Variants in P4HA2 observed in about 807,000 individuals in gnomAD.
P4HA2 encodes the protein prolyl 4-hydroxylase subunit alpha-2.
A neutral mutation model predicts 76.9 loss-of-function variants in P4HA2; 46 were observed. The ratio of observed to expected loss-of-function variants is 0.60; its 90% CI spans 0.47 to 0.76. The LOEUF is 0.76. Ranked by LOEUF, P4HA2 falls within the 30% of genes least tolerant of loss-of-function variation. The pLI, the probability that P4HA2 is intolerant of heterozygous loss-of-function variation, is 0.00. For missense variants in P4HA2, 583 were observed against 669.4 expected, an observed-to-expected ratio of 0.87 and a Z score of 1.42; for synonymous variants, 243 against 254.0, an observed-to-expected ratio of 0.96 and a Z score of 0.41.
intron 12 of P4HA2, 83 bp from the exon 13 acceptor site, chr5:132,195,563 T>C (rs1333349795): frequency 6.0e-6 from 6 of 1,007,684 alleles, no homozygotes; most frequent in Non-Finnish European, 9.4e-6. Flanking sequence ...ACAAGGTATA[T>C]AGATTGCCCT....
rs117816812 is a variant in P4HA2 at position 132,195,678 on chromosome 5, G to A, written c.1366-198C>T. ...TTAACCAGTGTGATTCATTAGAACA[G>A]TCTCCATGTCATGAGTGTTCAAGAG... is the stretch of plus-strand genomic sequence containing the variant. On this transcript the variant is annotated intron_variant, in intron 12 of 14. Transcript: ENST00000360568. 9.2e-4 allele frequency: 561 copies of A among 608,650 alleles called. 9 individuals carry two copies. The East Asian group carries it at 0.015, about 16-fold the overall frequency. The allele number at this position is 608,650 out of a possible 1,614,324, so 37.7% of individuals were successfully genotyped here. A position where few individuals can be genotyped will look rare whatever the true frequency, so the allele number is the denominator to read the frequency against.
At chr5:132,193,385 T>G in intron 14 of P4HA2, 1 of 178,908 alleles carries the variant, frequency 5.6e-6, no homozygotes, top group Non-Finnish European at 1.2e-5. Flanking sequence ...TCTATTCCCA[T>G]GGCAACCTGC....
intron 11 of P4HA2, 65 bp from the exon 12 acceptor site, chr5:132,198,445 G>A: frequency 7.0e-7 from 1 of 1,434,096 alleles, no homozygotes; most frequent in Admixed American, 1.7e-5. Context: ...ACAAGACTAG[G>A]ACCAAAAGGG....
chr5:132,208,956 G>T (rs531658459), intron 7 of P4HA2, among the ~76,000 whole-genome samples, 182 bp downstream of exon 7: 1 of 152,260 alleles, frequency 6.6e-6, no homozygotes, highest in South Asian at 2.1e-4. Context: ...CGAGGGGAGA[G>T]AGTCTCCTTT....
intron 9 of P4HA2, 114 bp from the exon 10 acceptor site, chr5:132,203,961 C>T: frequency 8.8e-7 from 1 of 1,139,036 alleles, no homozygotes; most frequent in Non-Finnish European, 1.3e-6. Context: ...AGGATGCCTG[C>T]TGCAAGGGGG....
At position 132,210,437 on chromosome 5, in the gene P4HA2, C is replaced by A. The variant is rs1173176951; in HGVS notation, c.556G>T (p.Val186Leu). ...AYNEGDYYHT[V>L]LWMEQVLKQL... is the part of the protein sequence containing the mutation. ...TTTAGCACCTGCTCCATCCACAACA[C>A]CGTATGATAATAGTCCCCTTCATTG... Residue 186 changes from valine (V) to leucine (L), a missense_variant, in exon 6 of 15, where the codon GTG (valine) becomes TTG (leucine). Physicochemically the swap from Val to Leu is conservative, Grantham distance 32. Coordinates refer to ENST00000360568, the MANE Select transcript of P4HA2 (RefSeq NM_001017974.2). 1.2e-6 allele frequency: 2 copies of A among 1,614,120 alleles called. No homozygotes were observed. The highest frequency in any genetic ancestry group is 1.7e-6 in the Non-Finnish European group (2 of 1,180,000).
intron 12 of P4HA2, among the ~76,000 whole-genome samples, chr5:132,197,700 A>C (rs1236092575): frequency 6.6e-6 from 1 of 152,120 alleles, no homozygotes. Context: ...CAGCCACACA[A>C]AAAGACAAGT....
intron 12 of P4HA2, among the ~76,000 whole-genome samples, chr5:132,196,573 T>A (rs1225791399): frequency 6.6e-6 from 1 of 152,254 alleles, no homozygotes; most frequent in East Asian, 1.9e-4. Flanking sequence ...ATCTCTCTGA[T>A]GTTTAGGCTG....
rs1749846936 is a variant in P4HA2 at position 132,190,871 on chromosome 5, A to G, written c.*2139T>C. Among the ~76,000 whole-genome samples, 1 of 152,238 alleles carries G rather than the reference A, an allele frequency of 6.6e-6. No individual in the cohort carries two copies. Among genetic ancestry groups the G allele is most frequent in the Admixed American group, 6.5e-5 (1 of 15,284 alleles). On this transcript the variant is annotated 3_prime_UTR_variant, in exon 15 of 15. Coordinates refer to ENST00000360568, the MANE Select transcript of P4HA2 (RefSeq NM_001017974.2). ...GAATAAGAACACTTGAAGAAACCTA[A>G]TAACTAATAAACATGAAAAGTTGTT...
Position 132,191,501 on chromosome 5 carries a change from G to T in P4HA2, c.*1509C>A, listed in dbSNP as rs1749915175. On this transcript the variant is annotated 3_prime_UTR_variant, in exon 15 of 15. Transcript: ENST00000360568. The stretch of plus-strand genomic sequence containing the variant: ...CACTCCAGCCTGGGCGACAGAGCGA[G>T]ACTCCGTCTCAAAAAAAAAAAAAAA... Among the ~76,000 whole-genome samples the T allele has an allele frequency of 8.0e-6, 1 of 125,132 alleles. No homozygotes were observed. Among genetic ancestry groups the T allele is most frequent in the Non-Finnish European group, 1.6e-5 (1 of 63,536 alleles). 82.1% of individuals were successfully genotyped at this position (125,132 alleles called of 152,430 possible).
At chr5:132,217,939 A>T (rs762291575) in intron 2 of P4HA2, 91 bp from the exon 3 acceptor site, 1 of 747,228 alleles carries the variant, frequency 1.3e-6, no homozygotes, top group Non-Finnish European at 2.3e-6. Flanking sequence ...CACAGAAGCA[A>T]GTCCCCTGGG....
At chr5:132,222,395 T>C (rs1754769594) in intron 1 of P4HA2, among the ~76,000 whole-genome samples, 1 of 152,074 alleles carries the variant, frequency 6.6e-6, no homozygotes, top group South Asian at 2.1e-4. Flanking sequence ...GGTACCCTAC[T>C]CTCCTTAGCC....
chr5:132,212,544 G>C (rs1191485075), intron 5 of P4HA2, among the ~76,000 whole-genome samples: 2 of 152,070 alleles, frequency 1.3e-5, no homozygotes, highest in African/African-American at 4.8e-5. Flanking sequence ...AAGGAGATGA[G>C]GATTTCAGTT....
At chr5:132,218,714 T>C in intron 1 of P4HA2, 70 bp from the exon 2 acceptor site, 2 of 896,190 alleles carry the variant, frequency 2.2e-6, no homozygotes, top group Non-Finnish European at 3.7e-6. Context: ...AGGAGACACA[T>C]AGGCATGTAC....
intron 5 of P4HA2, 61 bp downstream of exon 5, chr5:132,213,855 A>T: frequency 6.4e-7 from 1 of 1,569,732 alleles, no homozygotes; most frequent in Non-Finnish European, 8.7e-7. Flanking sequence ...TGGTGGCTCC[A>T]ACCTGTCCCG....
At position 132,190,374 on chromosome 5, in the gene P4HA2, T is replaced by A. The variant is rs1210362286; in HGVS notation, c.*2636A>T. Among the ~76,000 whole-genome samples the A allele has an allele frequency of 6.6e-6, 1 of 152,190 alleles. No homozygotes were observed. The highest frequency in any genetic ancestry group is 1.5e-5 in the Non-Finnish European group (1 of 68,022). Reference sequence around the variant, plus strand: ...TTCCCAGATTCCCTTATCAGCTGGCTTCCTGTTAGGGTCTACCAATGGAAG... The same window carrying A: ...TTCCCAGATTCCCTTATCAGCTGGCATCCTGTTAGGGTCTACCAATGGAAG... On this transcript the variant is annotated 3_prime_UTR_variant, in exon 15 of 15. Coordinates refer to ENST00000360568, the MANE Select transcript of P4HA2 (RefSeq NM_001017974.2).
chr5:132,207,769 C>G lies in P4HA2; in HGVS notation c.1019G>C (p.Arg340Thr), dbSNP rs757915014. Residue 340 changes from arginine (R) to threonine (T), a missense_variant, in exon 8 of 15, where the codon AGG becomes ACG. By Grantham distance (71) the Arg-to-Thr change is moderately conservative. Transcript: ENST00000360568. ...CTCATCAGACATGACATCGTAGTACCTGACGATGTGCGGGCTGTCCCACTC... is the reference window on the plus strand; with the variant it reads ...CTCATCAGACATGACATCGTAGTACGTGACGATGTGCGGGCTGTCCCACTC... ...EDEWDSPHIV[R>T]YYDVMSDEEI... is the part of the protein sequence containing the mutation. 6.2e-7 allele frequency: 1 copy of G among 1,613,876 alleles called. No individual in the cohort carries two copies. Among genetic ancestry groups the G allele is most frequent in the Non-Finnish European group, 8.5e-7 (1 of 1,179,800 alleles).
chr5:132,225,646 C>T lies in P4HA2; in HGVS notation c.-19+2144G>A, dbSNP rs76352730. ...AGTGCCTCGGCCACCTCCTCTCTCT[C>T]GTCCCTCATTCTAGCCCCAGGCACG... On this transcript the variant is annotated intron_variant, in intron 1 of 14. Coordinates refer to ENST00000360568, the MANE Select transcript of P4HA2 (RefSeq NM_001017974.2). 4.6e-5 allele frequency among the ~76,000 whole-genome samples: 7 copies of T among 152,324 alleles called. No homozygotes were observed. In the South Asian group the frequency reaches 1.5e-3, roughly 32 times the overall value.
intron 1 of P4HA2, among the ~76,000 whole-genome samples, chr5:132,223,990 G>T (rs527535466): frequency 6.6e-6 from 1 of 152,228 alleles, no homozygotes; most frequent in Non-Finnish European, 1.5e-5. Flanking sequence ...CCCAGGTTAA[G>T]GACTTTATCA....
Sources: allele counts gnomAD v4.1 joint callset (sites outside exome capture counted in the v4.1 genomes callset), GRCh38; gene constraint gnomAD v4.1.1; transcripts MANE v1.5; gene names NCBI Gene and HGNC (gene_info 2026-07-23, HGNC 2026-07-21).